Variants in EARS2 observed in about 807,000 individuals in gnomAD.
EARS2 encodes nondiscriminating glutamyl-tRNA synthetase EARS2, mitochondrial.
EARS2 carries 50 observed loss-of-function variants against 54.1 expected under a neutral mutation model. The ratio of observed to expected loss-of-function variants is 0.92; its 90% CI spans 0.74 to 1.17. The LOEUF is 1.17. Among genes scored for constraint, EARS2 ranks in the 50% most tolerant of loss-of-function variants. The pLI, the probability that EARS2 is intolerant of heterozygous loss-of-function variation, is 0.00. For missense variants in EARS2, 673 were observed against 675.0 expected (o/e 1.00, Z 0.03); for synonymous variants, 298 against 281.0 (o/e 1.06, Z -0.61).
Position 23,534,883 on chromosome 16 carries a change from CGTA to C in EARS2, c.958+2_958+4del. 6.4e-7 allele frequency: 1 copy of C among 1,563,528 alleles called. No homozygotes were observed. Among genetic ancestry groups the C allele is most frequent in the South Asian group, 1.2e-5 (1 of 81,716 alleles). Reference sequence around the variant, plus strand: ...GCTGCCAGGACTATTCAGGTGGGCACGTACCTGCAAAACCTGAGCCACAGTTGG... The same window carrying C: ...GCTGCCAGGACTATTCAGGTGGGCACCCTGCAAAACCTGAGCCACAGTTGG... On this transcript the variant is annotated splice_donor_variant and splice_donor_region_variant and intron_variant, in intron 4 of 8. Coordinates refer to ENST00000449606, the MANE Select transcript of EARS2 (RefSeq NM_001083614.2). LOFTEE classifies it high-confidence loss of function.
chr16:23,530,104 G>A (rs759407406), intron 5 of EARS2, among the ~76,000 whole-genome samples: 15 of 152,154 alleles, frequency 9.9e-5, no homozygotes, highest in Admixed American at 1.3e-4. Flanking sequence ...CAAGCAACTC[G>A]GAGACGTGCT....
rs1352330546 is a variant in EARS2 at position 23,542,430 on chromosome 16, G to T, written c.485+2084C>A. 5.1e-5 allele frequency among the ~76,000 whole-genome samples: 7 copies of T among 137,486 alleles called. No homozygotes were observed. In the Admixed American group the frequency reaches 6.0e-4, roughly 12 times the overall value. 90.2% of individuals were successfully genotyped at this position (137,486 alleles called of 152,430 possible). A position where few individuals can be genotyped will look rare whatever the true frequency, so the allele number is the denominator to read the frequency against. On this transcript the variant is annotated intron_variant, in intron 3 of 8. Transcript: ENST00000449606. ...CTTCCTGGGTTCAAATGATTCTCCTGCCTCAGCCTCCCGAGCAGCTGGGAC... is the reference window on the plus strand; with the variant it reads ...CTTCCTGGGTTCAAATGATTCTCCTTCCTCAGCCTCCCGAGCAGCTGGGAC...
chr16:23,535,086 T>A lies in EARS2; in HGVS notation c.760A>T (p.Thr254Ser), dbSNP rs1016873400. Reference sequence around the variant, plus strand: ...TGGTAGAGGAGCAGGTGCTTGGCAGTGGAGACGAGCCACTCAGAGCCTCGC... The same window carrying A: ...TGGTAGAGGAGCAGGTGCTTGGCAGAGGAGACGAGCCACTCAGAGCCTCGC... ...VLRGSEWLVSTAKHLLLYQAL... is the reference protein window; with the variant it reads ...VLRGSEWLVSSAKHLLLYQAL... The change falls in exon 4 of 9, where the codon ACT (threonine) becomes TCT (serine). Residue 254 changes from threonine (T) to serine (S), a missense_variant. Physicochemically the swap from Thr to Ser is moderately conservative, Grantham distance 58 (BLOSUM62 1). Around this residue, in one of 3 missense-constraint regions of EARS2, gnomAD observed 338 missense variants for 361.2 expected, o/e 0.94. Coordinates refer to ENST00000449606, the MANE Select transcript of EARS2 (RefSeq NM_001083614.2). 7 of 1,597,890 alleles carry A rather than the reference T, an allele frequency of 4.4e-6. No homozygotes were observed. The highest frequency in any genetic ancestry group is 1.9e-4 in the Middle Eastern group (1 of 5,228).
Position 23,533,228 on chromosome 16 carries a change from G to C in EARS2, c.959-463C>G, listed in dbSNP as rs146091977. ...GAACCTGAGAGGCGGAGATTGTAGT[G>C]AGCTAAGATTGTGCCGTTGCACTCC... On this transcript the variant is annotated intron_variant, in intron 4 of 8. Transcript: ENST00000449606. Among the ~76,000 whole-genome samples the C allele has an allele frequency of 1.4e-4, 22 of 152,286 alleles. No individual in the cohort carries two copies. The South Asian group carries it at 2.3e-3, about 16-fold the overall frequency.
At chr16:23,547,183 A>G (rs1170699437) in intron 2 of EARS2, among the ~76,000 whole-genome samples, 1 of 152,242 alleles carries the variant, frequency 6.6e-6, no homozygotes, top group African/African-American at 2.4e-5. Flanking sequence ...TTATTTGGCT[A>G]TAAAAAGGAA....
chr16:23,531,073 A>G (rs980900083), intron 5 of EARS2, among the ~76,000 whole-genome samples: 4 of 106,622 alleles, frequency 3.8e-5, no homozygotes, highest in African/African-American at 1.2e-4. Flanking sequence ...TTTTTTTTCT[A>G]TTTTTAGTAG....
intron 4 of EARS2, among the ~76,000 whole-genome samples, chr16:23,534,186 G>A (rs1965374443): frequency 6.6e-6 from 1 of 152,216 alleles, no homozygotes; most frequent in African/African-American, 2.4e-5. Flanking sequence ...CTAGGTGTGT[G>A]ACTTTGGCAA....
chr16:23,548,709 T>A (rs531438489), intron 2 of EARS2, among the ~76,000 whole-genome samples: 1 of 152,052 alleles, frequency 6.6e-6, no homozygotes, highest in Non-Finnish European at 1.5e-5. Context: ...AAATCTGACT[T>A]CTAAGCCAAA....
chr16:23,553,642 A>G (rs953704121), intron 1 of EARS2, among the ~76,000 whole-genome samples: 2 of 152,122 alleles, frequency 1.3e-5, no homozygotes, highest in African/African-American at 4.8e-5. Flanking sequence ...CTTTAATCCC[A>G]GCACTTTGGG....
At position 23,544,845 on chromosome 16, in the gene EARS2, G is replaced by T; in HGVS notation, c.296-142C>A. On this transcript the variant is annotated intron_variant, in intron 2 of 8. Transcript: ENST00000449606. ...GCATTAGTACAATGTCCTCCCCGCCGCCTTTTTTTTTGAGGCAGAGTCTTG... is the reference window on the plus strand; with the variant it reads ...GCATTAGTACAATGTCCTCCCCGCCTCCTTTTTTTTTGAGGCAGAGTCTTG... 6 of 786,292 alleles carry T rather than the reference G, an allele frequency of 7.6e-6. No homozygotes were observed. In the South Asian group the frequency reaches 1.3e-4, roughly 17 times the overall value. The allele number at this position is 786,292 out of a possible 1,614,324, so 48.7% of individuals were successfully genotyped here.
chr16:23,542,907 G>T (rs1965539413), intron 3 of EARS2, among the ~76,000 whole-genome samples: 1 of 151,874 alleles, frequency 6.6e-6, no homozygotes, highest in Non-Finnish European at 1.5e-5. Context: ...TCGAGTTCAG[G>T]AGTTTGAGAA....
intron 5 of EARS2, among the ~76,000 whole-genome samples, chr16:23,530,292 AT>A (rs1338282734): frequency 7.2e-5 from 11 of 151,826 alleles, no homozygotes; most frequent in Non-Finnish European, 1.2e-4. Context: ...TGCCCAGCTA[AT>A]TTTTTAGTTT....
chr16:23,533,516 T>A (rs570712714), intron 4 of EARS2, among the ~76,000 whole-genome samples: 1 of 152,240 alleles, frequency 6.6e-6, no homozygotes, highest in South Asian at 2.1e-4. Flanking sequence ...CCCAAAGGGA[T>A]TTAACTTCTA....
At chr16:23,539,679 A>G (rs1965481443) in intron 3 of EARS2, among the ~76,000 whole-genome samples, 1 of 149,606 alleles carries the variant, frequency 6.7e-6, no homozygotes, top group East Asian at 2.0e-4. Flanking sequence ...AATGGCTGCA[A>G]GGATTCCACA....
intron 5 of EARS2, among the ~76,000 whole-genome samples, chr16:23,532,365 T>C (rs1304787015): frequency 2.0e-5 from 3 of 152,188 alleles, no homozygotes; most frequent in Non-Finnish European, 4.4e-5. Flanking sequence ...GAACATAATG[T>C]TAATGATAAA....
In EARS2 at chr16:23,557,348, G is replaced by C; in HGVS notation, c.-5C>G. ...TCTCCTCAGGAGCGCCGCCATGTGG[G>C]ATGGAATAGCACACGTGGGCTTCTC... On this transcript the variant is annotated 5_prime_UTR_variant, in exon 1 of 9. In the 5' UTR this introduces an upstream ATG that the reference lacks. Transcript: ENST00000449606. The C allele has an allele frequency of 1.3e-6, 2 of 1,542,514 alleles. No individual in the cohort carries two copies. Among genetic ancestry groups the C allele is most frequent in the South Asian group, 1.2e-5 (1 of 84,508 alleles).
At chr16:23,527,922 AAATTTT>A (rs1281862734) in intron 7 of EARS2, among the ~76,000 whole-genome samples, 1 of 152,188 alleles carries the variant, frequency 6.6e-6, no homozygotes, top group African/African-American at 2.4e-5. Flanking sequence ...TCATATGTTG[AAATTTT>A]AACCCCCAAG....
rs112604556 is a variant in EARS2 at position 23,529,562 on chromosome 16, C to A, written c.1292G>T (p.Gly431Val). ...YSYLWTRPAV[G>V]RAQLDAISEK... is the part of the protein sequence containing the mutation. The stretch of plus-strand genomic sequence containing the variant: ...CGAGATGGCGTCCAGCTGTGCTCGA[C>A]CTACTGCAGGGCGAGTCCACAGGTA... The change falls in exon 7 of 9, where the codon GGT becomes GTT. Residue 431 changes from glycine (G) to valine (V), a missense_variant. Gly to Val is a moderately radical substitution (Grantham distance 109). Transcript: ENST00000449606. 10 of 1,614,092 alleles carry A rather than the reference C, an allele frequency of 6.2e-6. No individual in the cohort carries two copies. The Admixed American group carries it at 1.7e-4, about 27-fold the overall frequency.
At position 23,555,756 on chromosome 16, in the gene EARS2, T is replaced by C. The variant is rs1321357237; in HGVS notation, c.139+1449A>G. Among the ~76,000 whole-genome samples the C allele has an allele frequency of 2.6e-5, 4 of 152,174 alleles. No individual in the cohort carries two copies. In the East Asian group the frequency reaches 7.7e-4, roughly 29 times the overall value. ...CGGGCTGCAGTGCGGTGGCACGATC[T>C]CGGCTCACTGCAACCTCTTTCTCCT... On this transcript the variant is annotated intron_variant, in intron 1 of 8. Coordinates refer to ENST00000449606, the MANE Select transcript of EARS2 (RefSeq NM_001083614.2).
Sources: gnomAD v4.1 joint callset for allele counts (sites outside exome capture counted in the v4.1 genomes callset) on GRCh38, gnomAD v4.1.1 for gene constraint, gnomAD v4.1.1 regional missense constraint, MANE v1.5 for transcripts, NCBI Gene and HGNC (gene_info 2026-07-23, HGNC 2026-07-21) for gene names.